LAIR1: variants seen among roughly 807,000 people sequenced by gnomAD.
The protein encoded by LAIR1 is leukocyte-associated immunoglobulin-like receptor 1.
In LAIR1, 24 loss-of-function variants were observed where a neutral mutation model predicts 32.8. The ratio of observed to expected loss-of-function variants is 0.73; its 90% CI spans 0.53 to 1.03. The LOEUF (loss-of-function observed/expected upper bound fraction) is 1.03, where lower values mean the gene tolerates loss of function less well. Among genes scored for constraint, LAIR1 ranks in the 50% least tolerant of loss-of-function variants. The probability of loss-of-function intolerance (pLI) is 0.00; values close to 1 mark genes in which losing one functional copy is unlikely to be tolerated. For missense variants in LAIR1, 355 were observed against 347.5 expected (o/e 1.02, Z -0.17); for synonymous variants, 150 against 140.5 (o/e 1.07, Z -0.48).
At chr19:54,361,255 C>T in intron 2 of LAIR1, 46 bp from the exon 3 acceptor site, 2 of 1,579,590 alleles carry the variant, frequency 1.3e-6, no homozygotes, top group Non-Finnish European at 1.7e-6. Context: ...TGTAGGAAGT[C>T]ACCATGCCAC....
upstream of LAIR1, among the ~76,000 whole-genome samples, chr19:54,366,717 T>C (rs1363870807): frequency 6.6e-6 from 1 of 152,160 alleles, no homozygotes; most frequent in African/African-American, 2.4e-5. Flanking sequence ...CTCGATCTCC[T>C]GACCTCGTGA....
upstream of LAIR1, among the ~76,000 whole-genome samples, chr19:54,372,417 C>T (rs1467295589): frequency 4.0e-5 from 6 of 151,244 alleles, no homozygotes; most frequent in African/African-American, 1.2e-4. Flanking sequence ...TGAGCTTCTC[C>T]TGTGACTTCC....
At chr19:54,358,410 ATT>A (rs200960336) in intron 4 of LAIR1, 32,645 of 223,452 alleles carry the variant, frequency 0.15, 2,563 homozygotes, top group Middle Eastern at 0.25. Flanking sequence ...ATATATATAT[ATT>A]ATGATGTAAA....
chr19:54,371,966 A>T (rs1465773735), upstream of LAIR1, among the ~76,000 whole-genome samples: 1 of 151,562 alleles, frequency 6.6e-6, no homozygotes, highest in Non-Finnish European at 1.5e-5. Context: ...ACATCTTTTC[A>T]TGACTTGAGA....
chr19:54,365,041 C>T, upstream of LAIR1: 1 of 1,409,728 alleles, frequency 7.1e-7, no homozygotes, highest in Non-Finnish European at 9.2e-7. Context: ...CTAAATGTCG[C>T]TTAGAGGCAG....
At chr19:54,365,259 T>C (rs915538816), upstream of LAIR1, 6 of 188,740 alleles carry the variant, frequency 3.2e-5, no homozygotes, top group Non-Finnish European at 6.5e-5. Context: ...CCCAAGTTTT[T>C]AATATTGTGA....
chr19:54,358,241 ATATT>A (rs915042429), intron 4 of LAIR1: 31 of 144,476 alleles, frequency 2.1e-4, no homozygotes, highest in East Asian at 2.0e-3. Flanking sequence ...ATTAATACCT[ATATT>A]TATTTATTAA....
At chr19:54,374,005 T>C (rs2082462229), upstream of LAIR1, among the ~76,000 whole-genome samples, 1 of 152,178 alleles carries the variant, frequency 6.6e-6, no homozygotes. Flanking sequence ...CACACAATGA[T>C]GCAACAAGAC....
At chr19:54,375,375 A>G (rs373843203), upstream of LAIR1, among the ~76,000 whole-genome samples, 11,914 of 151,528 alleles carry the variant, frequency 0.079, 540 homozygotes, top group Non-Finnish European at 0.098. Flanking sequence ...GCAGAGGCTC[A>G]GGATGCGGTG....
In LAIR1 at chr19:54,353,430, T is replaced by A. The variant is rs1157365567; in HGVS notation, c.*1838A>T. 6.6e-6 allele frequency: 1 copy of A among 152,150 alleles called. No individual in the cohort carries two copies. The highest frequency in any genetic ancestry group is 1.5e-5 in the Non-Finnish European group (1 of 68,028). The allele number at this position is 152,150 out of a possible 1,614,324, so 9.4% of individuals were successfully genotyped here. On this transcript the variant is annotated 3_prime_UTR_variant, in exon 10 of 10. Transcript: ENST00000391742. ...TGGGTAGGCCAGTCAGGTACCACCC[T>A]CTTTGAACCAGCACAGAAACCTCCC...
chr19:54,364,168 A>G lies in LAIR1; in HGVS notation c.70+127T>C, dbSNP rs2082150083. The G allele has an allele frequency of 1.8e-6, 2 of 1,109,022 alleles. No individual in the cohort carries two copies. The highest frequency in any genetic ancestry group is 4.3e-5 in the Admixed American group (2 of 46,114). 68.7% of individuals were successfully genotyped at this position (1,109,022 alleles called of 1,614,324 possible). ...TGGTTATGCATTTTACATTTGGAAG[A>G]GTTTGCAATCTAGGGTATATTTAAA... On this transcript the variant is annotated intron_variant, in intron 2 of 9. Transcript: ENST00000391742. This position sits in a 1 kb window ranked among gnomAD's most constrained non-coding sequence, Gnocchi z 4.8.
In LAIR1 at chr19:54,361,136, C is replaced by T. The variant is rs890212875; in HGVS notation, c.144G>A (p.Val48=). Residue 48 remains valine, a synonymous_variant, in exon 3 of 10, where the codon GTG becomes GTA. Transcript: ENST00000391742. ...VIPLGSHVTF[V]CRGPVGVQTF... ...TTTGAACCCCAACCGGGCCCCGGCA[C>T]ACGAAAGTCACATGGCTCCCCAGGG... 32 of 1,614,056 alleles carry T rather than the reference C, an allele frequency of 2.0e-5. No individual in the cohort carries two copies. Among genetic ancestry groups the T allele is most frequent in the Non-Finnish European group, 2.5e-5 (30 of 1,180,048 alleles).
chr19:54,355,830 C>T lies in LAIR1; in HGVS notation c.717+124G>A, dbSNP rs1296623472. 5.5e-6 allele frequency: 4 copies of T among 722,408 alleles called. No homozygotes were observed. Among genetic ancestry groups the T allele is most frequent in the South Asian group, 1.6e-5 (1 of 64,364 alleles). The allele number at this position is 722,408 out of a possible 1,614,324, so 44.7% of individuals were successfully genotyped here. The stretch of plus-strand genomic sequence containing the variant: ...GCCCTGGGCGACCTCTCGACAGCAA[C>T]CTCAGGACAGGCCGTGAGCCGGAAC... On this transcript the variant is annotated intron_variant, in intron 9 of 9. Transcript: ENST00000391742. This position sits in a 1 kb window ranked among gnomAD's most constrained non-coding sequence, Gnocchi z 4.7.
upstream of LAIR1, among the ~76,000 whole-genome samples, chr19:54,375,352 C>T (rs763889431): frequency 4.6e-5 from 7 of 152,152 alleles, no homozygotes; most frequent in African/African-American, 1.4e-4. Context: ...GCGCCCGCCC[C>T]GCTGTGCAGA....
At chr19:54,370,828 C>G (rs969686929), upstream of LAIR1, among the ~76,000 whole-genome samples, 1 of 150,734 alleles carries the variant, frequency 6.6e-6, no homozygotes, top group African/African-American at 2.5e-5. Flanking sequence ...AGAACCATAT[C>G]TCTGTCCCAA....
rs776229605 is a variant in LAIR1, at chr19:54,364,255, A to G, written c.70+40T>C. ...CCCACCCAGCACTGCCCTTGGGGTG[A>G]CAGAGGGGACTGGGAAGATGGGACG... On this transcript the variant is annotated intron_variant, in intron 2 of 9. Transcript: ENST00000391742. This position sits in a 1 kb window ranked among gnomAD's most constrained non-coding sequence, Gnocchi z 4.8. 4.4e-6 allele frequency: 7 copies of G among 1,598,432 alleles called. No homozygotes were observed. The highest frequency in any genetic ancestry group is 4.3e-6 in the Non-Finnish European group (5 of 1,166,436).
upstream of LAIR1, among the ~76,000 whole-genome samples, chr19:54,375,532 C>T (rs1455725611): frequency 1.3e-5 from 2 of 152,196 alleles, no homozygotes; most frequent in Non-Finnish European, 2.9e-5. Flanking sequence ...CCGGCCCGAA[C>T]GTCATCTCTG....
intron 5 of LAIR1, 38 bp from the exon 6 acceptor site, chr19:54,356,657 T>C: frequency 6.2e-7 from 1 of 1,604,280 alleles, no homozygotes; most frequent in East Asian, 2.2e-5. Flanking sequence ...CAGTGTGCAT[T>C]TATTGAGCAC....
At chr19:54,373,086 C>T (rs551898717), upstream of LAIR1, among the ~76,000 whole-genome samples, 8 of 150,436 alleles carry the variant, frequency 5.3e-5, no homozygotes, top group Admixed American at 1.3e-4. Context: ...GAGCCGAAAT[C>T]GCACCACTGC....
Sources: gnomAD v4.1 joint callset for allele counts (sites outside exome capture counted in the v4.1 genomes callset) on GRCh38, gnomAD v4.1.1 for gene constraint, Gnocchi (gnomAD v3.1) non-coding constraint, MANE v1.5 for transcripts, NCBI Gene and HGNC (gene_info 2026-07-23, HGNC 2026-07-21) for gene names.